Variants in DMGDH observed in about 807,000 individuals in gnomAD.
The protein encoded by DMGDH is dimethylglycine dehydrogenase, also known as dimethylglycine dehydrogenase, mitochondrial.
In DMGDH, 76 loss-of-function variants were observed where a neutral mutation model predicts 95.2. The observed-to-expected ratio is 0.80, with a 90% confidence interval of 0.66 to 0.97. The LOEUF is 0.97. Ranked by LOEUF, DMGDH falls within the 50% of genes least tolerant of loss-of-function variation. The pLI is 0.00. For synonymous variants in DMGDH, 345 were observed against 377.6 expected, an observed-to-expected ratio of 0.91 and a Z score of 1.00; for missense variants, 987 against 1,055.0, an observed-to-expected ratio of 0.94 and a Z score of 0.89.
intron 11 of DMGDH, among the ~76,000 whole-genome samples, chr5:79,029,155 G>C (rs1006986744): frequency 9.9e-5 from 15 of 152,102 alleles, no homozygotes; most frequent in African/African-American, 3.6e-4. Context: ...CCCAGCTATA[G>C]GGCTGGTTTC....
At chr5:79,031,691 T>C (rs1754182982) in intron 9 of DMGDH, among the ~76,000 whole-genome samples, 1 of 152,240 alleles carries the variant, frequency 6.6e-6, no homozygotes, top group Non-Finnish European at 1.5e-5. Context: ...TTACTAAAGG[T>C]CCTTTCTGCT....
chr5:79,033,098 G>T, intron 8 of DMGDH, 141 bp downstream of exon 8: 1 of 1,074,150 alleles, frequency 9.3e-7, no homozygotes, highest in Non-Finnish European at 1.4e-6. Context: ...TATATTCCTT[G>T]TTATGTCTCA....
intron 8 of DMGDH, 90 bp downstream of exon 8, chr5:79,033,149 C>A: frequency 6.5e-7 from 1 of 1,530,180 alleles, no homozygotes; most frequent in South Asian, 1.1e-5. Context: ...ACCGCCATCC[C>A]AGTGAATAGA....
In DMGDH at chr5:79,044,344, C is replaced by T. The variant is rs779309480; in HGVS notation, c.954G>A (p.Met318Ile). 8 of 1,614,208 alleles carry T rather than the reference C, an allele frequency of 5.0e-6. No individual in the cohort carries two copies. Among genetic ancestry groups the T allele is most frequent in the Middle Eastern group, 1.6e-4 (1 of 6,062 alleles). The stretch of plus-strand genomic sequence containing the variant: ...TGGTGACCCAGGAGTCCTGAACTTT[C>T]ATTTTCTCTTGACTTTCATATGGAC... ...LFGPYESQEK[M>I]KVQDSWVTNG... The change falls in exon 6 of 16, where the codon ATG becomes ATA. Residue 318 changes from methionine to isoleucine, a missense_variant. Transcript: ENST00000255189.
rs72764936 is a variant in DMGDH at position 79,044,473 on chromosome 5, T to G, written c.825A>C (p.Thr275=). The change falls in exon 6 of 16, where the codon ACA becomes ACC. Residue 275 remains threonine (T), a synonymous_variant. Coordinates refer to ENST00000255189, the MANE Select transcript of DMGDH (RefSeq NM_013391.3). ...AAGCTTTCACTTCAGATATAGTCGA[T>G]GTAACAACATATTGATGTTGAACCG... The part of the protein sequence containing the change: ...LIPVQHQYVV[T]STISEVKALK... The G allele has an allele frequency of 8.1e-6, 13 of 1,614,196 alleles. No individual in the cohort carries two copies. The highest frequency in any genetic ancestry group is 1.1e-5 in the Non-Finnish European group (13 of 1,180,030).
intron 5 of DMGDH, among the ~76,000 whole-genome samples, chr5:79,048,196 T>G (rs1309681130): frequency 6.6e-6 from 1 of 152,184 alleles, no homozygotes; most frequent in Non-Finnish European, 1.5e-5. Context: ...CTGGGTACTT[T>G]ACATTATTAG....
Position 79,069,505 on chromosome 5 carries a change from C to T in DMGDH, c.101+15G>A. 7.9e-7 allele frequency: 1 copy of T among 1,271,348 alleles called. No homozygotes were observed. Among genetic ancestry groups the T allele is most frequent in the Non-Finnish European group, 9.9e-7 (1 of 1,008,618 alleles). 78.8% of individuals were successfully genotyped at this position (1,271,348 alleles called of 1,614,324 possible). A position where few individuals can be genotyped will look rare whatever the true frequency, so the allele number is the denominator to read the frequency against. ...GCCGCCCCGTCGCCTCTGAGCAGGA[C>T]GGGGCCCCACTCACCCTTCCCGGCC... is the stretch of plus-strand genomic sequence containing the variant. On this transcript the variant is annotated intron_variant, in intron 1 of 15. Transcript: ENST00000255189.
At chr5:79,014,751 A>C (rs185753972) in intron 14 of DMGDH, among the ~76,000 whole-genome samples, 1 of 152,306 alleles carries the variant, frequency 6.6e-6, no homozygotes, top group East Asian at 1.9e-4. Flanking sequence ...CATTTTCTTC[A>C]TTTTACAGAT....
rs41272262 is a variant in DMGDH at position 79,005,349 on chromosome 5, C to G, written c.2309G>C (p.Arg770Pro). 7 of 1,613,944 alleles carry G rather than the reference C, an allele frequency of 4.3e-6. No homozygotes were observed. The highest frequency in any genetic ancestry group is 5.9e-6 in the Non-Finnish European group (7 of 1,179,968). Residue 770 changes from arginine to proline, a missense_variant, in exon 15 of 16, where the codon CGA becomes CCA. By Grantham distance (103) the Arg-to-Pro change is moderately radical. Coordinates refer to ENST00000255189, the MANE Select transcript of DMGDH (RefSeq NM_013391.3). ...LKQIKAKGLK[R>P]RLVCLTLATD... The stretch of plus-strand genomic sequence containing the variant: ...TGCCAAGGTGAGGCAGACCAGTCTT[C>G]GTTTCAGCCCCTTGGCTTTAATCTG...
intron 15 of DMGDH, chr5:79,000,219 C>T: frequency 1.6e-6 from 1 of 620,224 alleles, no homozygotes; most frequent in South Asian, 1.4e-5. Context: ...TCTGGTCCTA[C>T]AGAATCCCTC....
chr5:79,010,333 A>G (rs1753628100), intron 14 of DMGDH, among the ~76,000 whole-genome samples: 1 of 152,208 alleles, frequency 6.6e-6, no homozygotes, highest in Admixed American at 6.5e-5. Flanking sequence ...CACGGTAGGC[A>G]GGGTCTGATA....
At chr5:79,046,305 G>A (rs561783274) in intron 5 of DMGDH, among the ~76,000 whole-genome samples, 61 of 152,088 alleles carry the variant, frequency 4.0e-4, no homozygotes, top group Admixed American at 3.6e-3. Flanking sequence ...GGCTGATCTT[G>A]AACTCCTGAC....
At chr5:79,015,157 C>A (rs1422199428) in intron 14 of DMGDH, among the ~76,000 whole-genome samples, 1 of 152,150 alleles carries the variant, frequency 6.6e-6, no homozygotes, top group African/African-American at 2.4e-5. Context: ...TTCCCACCCA[C>A]ACCCCTCCAC....
intron 5 of DMGDH, among the ~76,000 whole-genome samples, chr5:79,047,465 T>C (rs928248465): frequency 1.3e-5 from 2 of 152,174 alleles, no homozygotes; most frequent in Non-Finnish European, 2.9e-5. Flanking sequence ...ATTTCTGATT[T>C]GCCATGTTAG....
intron 14 of DMGDH, among the ~76,000 whole-genome samples, chr5:79,016,185 C>T (rs2112607392): frequency 6.6e-6 from 1 of 151,474 alleles, no homozygotes; most frequent in Middle Eastern, 3.4e-3. Context: ...TTGCAGTGAG[C>T]CAAGATCGCG....
chr5:79,028,618 T>A lies in DMGDH; in HGVS notation c.1847A>T (p.Tyr616Phe). 1.2e-6 allele frequency: 2 copies of A among 1,614,208 alleles called. No homozygotes were observed. The highest frequency in any genetic ancestry group is 1.6e-4 in the Middle Eastern group (1 of 6,062). Residue 616 changes from tyrosine to phenylalanine, a missense_variant, in exon 12 of 16, where the codon TAT becomes TTT. Transcript: ENST00000255189. ...AGTTATGTTTTTAATTTCAACATCA[T>A]ATCCACCTTTGACTGCTTCTTCTTC... is the stretch of plus-strand genomic sequence containing the variant. ...WIEEEAVKGG[Y>F]DVEIKNITDE...
chr5:79,033,004 A>G (rs1754233917), intron 8 of DMGDH, among the ~76,000 whole-genome samples, 164 bp from the exon 9 acceptor site: 1 of 152,256 alleles, frequency 6.6e-6, no homozygotes, highest in African/African-American at 2.4e-5. Flanking sequence ...TGTCATTTAT[A>G]TGACTCATCA....
At chr5:79,021,644 T>C (rs1199948610) in intron 14 of DMGDH, 1 of 1,317,810 alleles carries the variant, frequency 7.6e-7, no homozygotes, top group Non-Finnish European at 1.0e-6. Flanking sequence ...CACCCAGCCA[T>C]TTTCCTCCTT....
intron 9 of DMGDH, 101 bp downstream of exon 9, chr5:79,032,586 C>A (rs1299554216): frequency 6.0e-6 from 9 of 1,493,974 alleles, no homozygotes; most frequent in Non-Finnish European, 8.4e-6. Context: ...CTCCTTGGAA[C>A]AGGGTGGAGC....
Sources: allele counts gnomAD v4.1 joint callset (sites outside exome capture counted in the v4.1 genomes callset), GRCh38; gene constraint gnomAD v4.1.1; transcripts MANE v1.5; gene names NCBI Gene and HGNC (gene_info 2026-07-23, HGNC 2026-07-21).